The following CMIP variants were observed in gnomAD, a reference collection of about 807,000 sequenced individuals.
CMIP encodes the protein c-Maf inducing protein.
In CMIP, 13 loss-of-function variants were observed where a neutral mutation model predicts 97.3. The ratio of observed to expected loss-of-function variants is 0.13; its 90% CI spans 0.09 to 0.21. CMIP has a LOEUF of 0.21. Ranked by LOEUF, CMIP falls within the 10% of genes least tolerant of loss-of-function variation. CMIP has a pLI of 1.00. For synonymous variants in CMIP, 538 were observed against 436.3 expected, an observed-to-expected ratio of 1.23 and a Z score of -2.91; for missense variants, 847 against 1,024.9, an observed-to-expected ratio of 0.83 and a Z score of 2.37.
Position 81,573,994 on chromosome 16 carries a change from G to A in CMIP, c.301-33573G>A, listed in dbSNP as rs374143237. ...CACCCAAGCCTAGGCTTGACCCCTG[G>A]AGCCTTTACCTGGACTGCAATCTAG... On this transcript the variant is annotated intron_variant, in intron 1 of 20. Coordinates refer to ENST00000537098, the MANE Select transcript of CMIP (RefSeq NM_198390.3). 1.9e-3 allele frequency among the ~76,000 whole-genome samples: 289 copies of A among 152,112 alleles called. 5 individuals are homozygous for A. The highest frequency in any genetic ancestry group is 0.014 in the South Asian group (65 of 4,806).
At chr16:81,559,393 G>A (rs1433514872) in intron 1 of CMIP, among the ~76,000 whole-genome samples, 2 of 152,228 alleles carry the variant, frequency 1.3e-5, no homozygotes, top group Non-Finnish European at 2.9e-5. Context: ...TTCTGGAGCT[G>A]TTCTAGGTGC....
At chr16:81,626,782 AGAGAGAGTGT>A (rs1447697149) in intron 3 of CMIP, among the ~76,000 whole-genome samples, 87 of 66,616 alleles carry the variant, frequency 1.3e-3, no homozygotes, top group African/African-American at 4.1e-3. Flanking sequence ...TGACAGAGAG[AGAGAGAGTGT>A]GTGTGTGTGT....
At chr16:81,446,550 A>T (rs1380795645) in intron 1 of CMIP, among the ~76,000 whole-genome samples, 1 of 151,750 alleles carries the variant, frequency 6.6e-6, no homozygotes, top group Admixed American at 6.6e-5. Context: ...TCCCATCCTC[A>T]TTGGGGGTGT....
intron 10 of CMIP, among the ~76,000 whole-genome samples, chr16:81,683,122 C>T (rs921912745): frequency 6.6e-6 from 1 of 152,222 alleles, no homozygotes; most frequent in East Asian, 1.9e-4. Flanking sequence ...AAATGCCATA[C>T]TGGTCCCTGT....
intron 1 of CMIP, among the ~76,000 whole-genome samples, chr16:81,523,862 A>G (rs924608752): frequency 6.6e-6 from 1 of 152,232 alleles, no homozygotes; most frequent in Non-Finnish European, 1.5e-5. Context: ...CACCCAGCTC[A>G]TCCCTTGGCT....
At chr16:81,573,815 G>A (rs568579577) in intron 1 of CMIP, among the ~76,000 whole-genome samples, 4 of 152,330 alleles carry the variant, frequency 2.6e-5, no homozygotes, top group African/African-American at 9.6e-5. Context: ...GTGAGTTAAT[G>A]TGCTTAACGC....
intron 1 of CMIP, among the ~76,000 whole-genome samples, chr16:81,521,906 C>T (rs545132982): frequency 6.6e-6 from 1 of 152,274 alleles, no homozygotes; most frequent in African/African-American, 2.4e-5. Flanking sequence ...TAGAATTTCT[C>T]CAAGAAAGGC....
rs1904515849 is a variant in CMIP, at chr16:81,678,566, C to T, written c.1326C>T (p.Ser442=). The T allele has an allele frequency of 1.2e-6, 2 of 1,608,004 alleles. No homozygotes were observed. Among genetic ancestry groups the T allele is most frequent in the Non-Finnish European group, 1.7e-6 (2 of 1,178,010 alleles). The change falls in exon 10 of 21, where the codon AGC becomes AGT. Residue 442 remains serine (S), a synonymous_variant. Transcript: ENST00000537098. ...TCAGCCCCGCCTGCAGCACCATGAG[C>T]ATCGAGCTGGGCCCCCAGGCCGACC... ...LMVSPACSTM[S]IELGPQADRT...
At chr16:81,571,333 G>A (rs766889050) in intron 1 of CMIP, among the ~76,000 whole-genome samples, 2 of 152,126 alleles carry the variant, frequency 1.3e-5, no homozygotes, top group African/African-American at 2.4e-5. Flanking sequence ...GCTAGATGCA[G>A]TGGTGTGTGC....
chr16:81,548,832 CA>C (rs763484034), intron 1 of CMIP, among the ~76,000 whole-genome samples: 1 of 152,112 alleles, frequency 6.6e-6, no homozygotes, highest in Non-Finnish European at 1.5e-5. Context: ...GGTGACAGAG[CA>C]AGATTCTGTC....
intron 10 of CMIP, among the ~76,000 whole-genome samples, chr16:81,683,540 C>T (rs1158003890): frequency 6.6e-6 from 1 of 151,884 alleles, no homozygotes; most frequent in African/African-American, 2.4e-5. Flanking sequence ...CAGGCGCCTG[C>T]CACCAAGTCT....
chr16:81,680,655 C>T (rs1317968903), intron 10 of CMIP, among the ~76,000 whole-genome samples: 1 of 152,212 alleles, frequency 6.6e-6, no homozygotes, highest in Non-Finnish European at 1.5e-5. Context: ...ACTAAGAGAG[C>T]CACTCCAAGA....
chr16:81,635,054 G>A (rs891688527), intron 3 of CMIP, among the ~76,000 whole-genome samples: 2 of 152,150 alleles, frequency 1.3e-5, no homozygotes, highest in African/African-American at 4.8e-5. Context: ...GGGGCTGCCC[G>A]CCTCCCACAC....
In CMIP at chr16:81,696,566, T is replaced by G; in HGVS notation, c.1537T>G (p.Ser513Ala). ...GTCTTCCCTTGTCTGGCAGGTCCACTCATGCCTGCTGAGCGTGCGGGCCGG... is the reference window on the plus strand; with the variant it reads ...GTCTTCCCTTGTCTGGCAGGTCCACGCATGCCTGCTGAGCGTGCGGGCCGG... ...FAEDPRQEVHSCLLSVRAGKD... is the reference protein window; with the variant it reads ...FAEDPRQEVHACLLSVRAGKD... Residue 513 changes from serine (S) to alanine (A), a missense_variant, in exon 14 of 21, where the codon TCA becomes GCA. Physicochemically the swap from Ser to Ala is moderately conservative, Grantham distance 99. Coordinates refer to ENST00000537098, the MANE Select transcript of CMIP (RefSeq NM_198390.3). 3 of 1,604,266 alleles carry G rather than the reference T, an allele frequency of 1.9e-6. No homozygotes were observed. The highest frequency in any genetic ancestry group is 2.5e-6 in the Non-Finnish European group (3 of 1,179,630).
At chr16:81,701,007 G>C (rs903848602) in intron 15 of CMIP, among the ~76,000 whole-genome samples, 1 of 151,992 alleles carries the variant, frequency 6.6e-6, no homozygotes, top group Non-Finnish European at 1.5e-5. Flanking sequence ...TTCTAGAACT[G>C]AGCACCATGG....
At chr16:81,500,656 T>C (rs917809961) in intron 1 of CMIP, among the ~76,000 whole-genome samples, 2 of 151,744 alleles carry the variant, frequency 1.3e-5, no homozygotes, top group African/African-American at 4.8e-5. Context: ...ATCCAGCTAA[T>C]TTTTGTATTT....
intron 1 of CMIP, among the ~76,000 whole-genome samples, chr16:81,591,583 T>C (rs1242275211): frequency 6.6e-6 from 1 of 152,140 alleles, no homozygotes; most frequent in African/African-American, 2.4e-5. Context: ...CAAATGTGCA[T>C]CTGCTGTGTG....
At chr16:81,685,546 AGT>A (rs1356941319) in intron 10 of CMIP, among the ~76,000 whole-genome samples, 1 of 151,918 alleles carries the variant, frequency 6.6e-6, no homozygotes, top group Non-Finnish European at 1.5e-5. Context: ...AAAAAACCTA[AGT>A]GCTCCCCTCC....
chr16:81,535,050 A>C (rs2966110), intron 1 of CMIP, among the ~76,000 whole-genome samples: 4,294 of 152,204 alleles, frequency 0.028, 70 homozygotes, highest in Middle Eastern at 0.078. Flanking sequence ...TCCCGGGTTC[A>C]TGCCATTCTC....
Sources: gnomAD v4.1 joint callset for allele counts (sites outside exome capture counted in the v4.1 genomes callset) on GRCh38, gnomAD v4.1.1 for gene constraint, MANE v1.5 for transcripts, NCBI Gene and HGNC (gene_info 2026-07-23, HGNC 2026-07-21) for gene names.